Variants in DELE1 observed in about 807,000 individuals in gnomAD.
DELE1 encodes death ligand signal enhancer.
DELE1 carries 54 observed loss-of-function variants against 59.3 expected under a neutral mutation model. That is an observed-to-expected ratio of 0.91 (90% CI 0.73 to 1.14). The LOEUF (loss-of-function observed/expected upper bound fraction) is 1.14, where lower values mean the gene tolerates loss of function less well. Ranked by LOEUF, DELE1 falls within the 50% of genes most tolerant of loss-of-function variation. DELE1 has a pLI of 0.00. For synonymous variants in DELE1, 264 were observed against 259.1 expected (o/e 1.02, Z -0.18); for missense variants, 636 against 643.9 (o/e 0.99, Z 0.13).
chr5:141,924,646 C>T lies in DELE1; in HGVS notation c.97C>T (p.Pro33Ser). 6.2e-7 allele frequency: 1 copy of T among 1,614,124 alleles called. No homozygotes were observed. Among genetic ancestry groups the T allele is most frequent in the Non-Finnish European group, 8.5e-7 (1 of 1,179,952 alleles). Residue 33 changes from proline to serine, a missense_variant, in exon 2 of 12, where the codon CCT (proline) becomes TCT (serine). Coordinates refer to ENST00000432126, the MANE Select transcript of DELE1 (RefSeq NM_014773.5). ...VTPKSTSPDG[P>S]QTTSSTLLVP... ...TCCTAAGTCCACCAGCCCAGATGGGCCTCAGACTACCTCCTCCACTTTGCT... is the reference window on the plus strand; with the variant it reads ...TCCTAAGTCCACCAGCCCAGATGGGTCTCAGACTACCTCCTCCACTTTGCT...
Position 141,941,923 on chromosome 5 carries a change from A to G in DELE1, c.*3164A>G. The G allele has an allele frequency of 1.0e-6, 1 of 985,380 alleles. No individual in the cohort carries two copies. Among genetic ancestry groups the G allele is most frequent in the Non-Finnish European group, 1.2e-6 (1 of 829,932 alleles). 61.0% of individuals were successfully genotyped at this position (985,380 alleles called of 1,614,324 possible). On this transcript the variant is annotated 3_prime_UTR_variant, in exon 12 of 12. Transcript: ENST00000432126. ...TGAATAATTTTAAATAACTTGAATG[A>G]ATAATTCTGTATTGCCCCCCACTCG...
chr5:141,932,850 T>A (rs1023949459), intron 7 of DELE1, among the ~76,000 whole-genome samples: 3 of 151,978 alleles, frequency 2.0e-5, no homozygotes, highest in Non-Finnish European at 4.4e-5. Flanking sequence ...ATCCCGACAC[T>A]TTGGGAGGCC....
chr5:141,928,354 G>A, intron 4 of DELE1, 56 bp downstream of exon 4: 1 of 1,575,306 alleles, frequency 6.3e-7, no homozygotes, highest in Non-Finnish European at 8.6e-7. Context: ...TCTGGGCCAG[G>A]AAGCGTCTCT....
intron 2 of DELE1, among the ~76,000 whole-genome samples, chr5:141,924,959 G>A (rs1445097509): frequency 2.8e-5 from 4 of 144,820 alleles, no homozygotes; most frequent in East Asian, 4.1e-4. Context: ...ACAGAGTCTC[G>A]CTCTGTCGCC....
chr5:141,938,149 A>G (rs1405011550), intron 11 of DELE1, among the ~76,000 whole-genome samples: 1 of 152,094 alleles, frequency 6.6e-6, no homozygotes, highest in African/African-American at 2.4e-5. Context: ...AACCCCCACT[A>G]TCACTGAACT....
At position 141,930,213 on chromosome 5, in the gene DELE1, G is replaced by A; in HGVS notation, c.693G>A (p.Glu231=). 1 of 1,614,032 alleles carries A rather than the reference G, an allele frequency of 6.2e-7. No individual in the cohort carries two copies. The highest frequency in any genetic ancestry group is 1.3e-5 in the African/African-American group (1 of 75,058). ...QDKSKTLSLE[E]AVTSIQQLFQ... ...AATCAAAAACTCTTTCCCTTGAGGAGGCTGTGACTTCCATTCAGCAGCTCT... is the reference window on the plus strand; with the variant it reads ...AATCAAAAACTCTTTCCCTTGAGGAAGCTGTGACTTCCATTCAGCAGCTCT... Residue 231 remains glutamate, a synonymous_variant, in exon 7 of 12, where the codon GAG becomes GAA. Coordinates refer to ENST00000432126, the MANE Select transcript of DELE1 (RefSeq NM_014773.5).
chr5:141,934,720 C>T lies in DELE1; in HGVS notation c.1149+134C>T, dbSNP rs906573392. On this transcript the variant is annotated intron_variant, in intron 10 of 11. Transcript: ENST00000432126. ...CTTGGCCTGGCTTCAAGCCTTAGCG[C>T]TCACTGACTTACTGTGTGACCGTTG... The T allele has an allele frequency of 3.6e-6, 3 of 829,292 alleles. No individual in the cohort carries two copies. In the African/African-American group the frequency reaches 5.1e-5, roughly 14 times the overall value. 51.4% of individuals were successfully genotyped at this position (829,292 alleles called of 1,614,324 possible).
chr5:141,923,884 G>C lies in DELE1; in HGVS notation c.-58G>C. 4 of 1,566,176 alleles carry C rather than the reference G, an allele frequency of 2.6e-6. No individual in the cohort carries two copies. The highest frequency in any genetic ancestry group is 3.5e-6 in the Non-Finnish European group (4 of 1,155,172). Reference sequence around the variant, plus strand: ...CATCGCGGCGGCCTTTCTAGCCGCTGTCCCAAGGGTTGGTCTCGCGCTTTC... The same window carrying C: ...CATCGCGGCGGCCTTTCTAGCCGCTCTCCCAAGGGTTGGTCTCGCGCTTTC... On this transcript the variant is annotated 5_prime_UTR_variant, in exon 1 of 12. Transcript: ENST00000432126.
chr5:141,933,157 A>G, intron 7 of DELE1, 102 bp from the exon 8 acceptor site: 2 of 647,932 alleles, frequency 3.1e-6, no homozygotes, highest in Non-Finnish European at 4.5e-6. Context: ...GGCACAAAAA[A>G]AGAAAGGGAG....
rs533005377 is a variant in DELE1 at position 141,934,289 on chromosome 5, A to G, written c.947A>G (p.Gln316Arg). The change falls in exon 9 of 12, where the codon CAG becomes CGG. Residue 316 changes from glutamine (Q) to arginine (R), a missense_variant. Transcript: ENST00000432126. ...LAASQGHSLA[Q>R]YRYARCLLRD... Reference sequence around the variant, plus strand: ...GCCAGCCAGGGCCACAGCCTGGCTCAGTACCGCTATGCCAGGTGCCTACTA... The same window carrying G: ...GCCAGCCAGGGCCACAGCCTGGCTCGGTACCGCTATGCCAGGTGCCTACTA... The G allele has an allele frequency of 6.2e-7, 1 of 1,613,928 alleles. No individual in the cohort carries two copies. The highest frequency in any genetic ancestry group is 1.3e-5 in the African/African-American group (1 of 74,952).
chr5:141,930,352 A>T lies in DELE1; in HGVS notation c.754+78A>T, dbSNP rs180921738. 7.6e-4 allele frequency: 792 copies of T among 1,036,384 alleles called. 2 individuals carry two copies. Among genetic ancestry groups the T allele is most frequent in the Non-Finnish European group, 3.9e-4 (262 of 678,940 alleles). 64.2% of individuals were successfully genotyped at this position (1,036,384 alleles called of 1,614,324 possible). A position where few individuals can be genotyped will look rare whatever the true frequency, so the allele number is the denominator to read the frequency against. On this transcript the variant is annotated intron_variant, in intron 7 of 11. Coordinates refer to ENST00000432126, the MANE Select transcript of DELE1 (RefSeq NM_014773.5). ...ATGGGGTAGCTCAGATATAGTCAAG[A>T]TAGGGAGTGGCTTAAACGAGAGATT...
intron 7 of DELE1, among the ~76,000 whole-genome samples, 153 bp from the exon 8 acceptor site, chr5:141,933,106 A>AT (rs1752052290): frequency 3.4e-3 from 468 of 137,324 alleles, no homozygotes; most frequent in African/African-American, 0.013. Context: ...AAAAAAAAAA[A>AT]AAAAAATATA....
At position 141,939,059 on chromosome 5, in the gene DELE1, T is replaced by C; in HGVS notation, c.*300T>C. On this transcript the variant is annotated 3_prime_UTR_variant, in exon 12 of 12. Coordinates refer to ENST00000432126, the MANE Select transcript of DELE1 (RefSeq NM_014773.5). The stretch of plus-strand genomic sequence containing the variant: ...GAGACCCTGGTGCTCACCTTAGCCT[T>C]TGTCTTTGAGCAAATAACTTACCTT... The C allele has an allele frequency of 8.8e-7, 1 of 1,137,352 alleles. No individual in the cohort carries two copies. Among genetic ancestry groups the C allele is most frequent in the Non-Finnish European group, 1.1e-6 (1 of 925,660 alleles). 70.5% of individuals were successfully genotyped at this position (1,137,352 alleles called of 1,614,324 possible). A position where few individuals can be genotyped will look rare whatever the true frequency, so the allele number is the denominator to read the frequency against.
chr5:141,929,980 C>G lies in DELE1; in HGVS notation c.572-9C>G, dbSNP rs2126876769. On this transcript the variant is annotated splice_polypyrimidine_tract_variant and intron_variant, in intron 5 of 11. Transcript: ENST00000432126. Reference sequence around the variant, plus strand: ...TTGCCCTGGCCGGGTGTCGGCCTTTCCCTTGCAGGTCCCGGTGATTTTGGC... The same window carrying G: ...TTGCCCTGGCCGGGTGTCGGCCTTTGCCTTGCAGGTCCCGGTGATTTTGGC... The G allele has an allele frequency of 6.2e-7, 1 of 1,613,638 alleles. No homozygotes were observed. The highest frequency in any genetic ancestry group is 8.5e-7 in the Non-Finnish European group (1 of 1,179,700).
chr5:141,929,529 T>C, intron 4 of DELE1, 53 bp from the exon 5 acceptor site: 1 of 1,586,944 alleles, frequency 6.3e-7, no homozygotes, highest in Non-Finnish European at 8.6e-7. Flanking sequence ...TGATTATAGG[T>C]GTGAGCCATC....
At chr5:141,930,883 AGTG>A (rs1244942310) in intron 7 of DELE1, among the ~76,000 whole-genome samples, 1 of 152,192 alleles carries the variant, frequency 6.6e-6, no homozygotes, top group Non-Finnish European at 1.5e-5. Flanking sequence ...ATTGGGGTCT[AGTG>A]GGCAGATAGG....
At position 141,929,740 on chromosome 5, in the gene DELE1, G is replaced by C. The variant is rs1429133638; in HGVS notation, c.571G>C (p.Gly191Arg). The change falls in exon 5 of 12, where the codon GGT (glycine) becomes CGT (arginine). Residue 191 changes from glycine to arginine, a missense_variant and splice_region_variant. Physicochemically the swap from Gly to Arg is moderately radical, Grantham distance 125 (BLOSUM62 -2). Coordinates refer to ENST00000432126, the MANE Select transcript of DELE1 (RefSeq NM_014773.5). ...TCGTCCTCAGGACCCCTCTGAGGAA[G>C]GTATGTCCCTGCCTCATGGAATCAG... The part of the protein sequence containing the change: ...GARPQDPSEE[G>R]PGDFGFLHAS... The C allele has an allele frequency of 1.9e-6, 3 of 1,614,032 alleles. No homozygotes were observed. The African/African-American group carries it at 4.0e-5, about 22-fold the overall frequency.
At chr5:141,932,436 G>A (rs1454140720) in intron 7 of DELE1, among the ~76,000 whole-genome samples, 1 of 152,158 alleles carries the variant, frequency 6.6e-6, no homozygotes, top group Non-Finnish European at 1.5e-5. Flanking sequence ...ACCCACTCTG[G>A]CTAACTTAAA....
At chr5:141,934,085 T>G (rs886814547) in intron 8 of DELE1, among the ~76,000 whole-genome samples, 155 bp from the exon 9 acceptor site, 1 of 152,262 alleles carries the variant, frequency 6.6e-6, no homozygotes. Context: ...TTTCTATTTT[T>G]GGTTTATATT....
Sources: allele counts gnomAD v4.1 joint callset (sites outside exome capture counted in the v4.1 genomes callset), GRCh38; gene constraint gnomAD v4.1.1; transcripts MANE v1.5; gene names NCBI Gene and HGNC (gene_info 2026-07-23, HGNC 2026-07-21).